The following P2RY14 variants were observed in gnomAD, a reference collection of about 807,000 sequenced individuals.
P2RY14 encodes the protein P2Y purinoceptor 14.
P2RY14 carries 2 observed loss-of-function variants against 0.9 expected under a neutral mutation model. The observed-to-expected ratio is 2.16, with a 90% confidence interval of 0.88 to 6.79. The LOEUF (loss-of-function observed/expected upper bound fraction) is 6.79, where lower values mean the gene tolerates loss of function less well. Ranked by LOEUF, P2RY14 falls within the 30% of genes most tolerant of loss-of-function variation. The pLI, the probability that P2RY14 is intolerant of heterozygous loss-of-function variation, is 0.05. For synonymous variants in P2RY14, 158 were observed against 147.2 expected (o/e 1.07, Z -0.53); for missense variants, 378 against 400.1 (o/e 0.94, Z 0.47).
intron 1 of P2RY14, among the ~76,000 whole-genome samples, chr3:151,244,564 A>C (rs1253694485): frequency 6.6e-6 from 1 of 151,360 alleles, no homozygotes; most frequent in East Asian, 1.9e-4. Context: ...GTTCTTTGAA[A>C]CCAGTGAGAA....
At chr3:151,275,644 A>G (rs926182677) in intron 1 of P2RY14, among the ~76,000 whole-genome samples, 4 of 152,340 alleles carry the variant, frequency 2.6e-5, no homozygotes, top group Non-Finnish European at 5.9e-5. Context: ...AATAGCATTC[A>G]TTAATTACTA....
At chr3:151,247,959 C>CTTT (rs1407147027) in intron 1 of P2RY14, among the ~76,000 whole-genome samples, 7 of 65,452 alleles carry the variant, frequency 1.1e-4, no homozygotes, top group African/African-American at 4.3e-4. Flanking sequence ...TCTTCTTCTT[C>CTTT]TTCTTTTTTT....
chr3:151,248,044 A>G (rs1296272372), intron 1 of P2RY14, among the ~76,000 whole-genome samples: 3 of 134,184 alleles, frequency 2.2e-5, no homozygotes, highest in Non-Finnish European at 3.1e-5. Context: ...TAAATTATCT[A>G]TTAGTCTAGA....
At chr3:151,247,553 A>G (rs1249481215) in intron 1 of P2RY14, among the ~76,000 whole-genome samples, 6 of 145,204 alleles carry the variant, frequency 4.1e-5, no homozygotes, top group Non-Finnish European at 6.0e-5. Flanking sequence ...ATAGGTGGGA[A>G]TTGAACAATG....
chr3:151,229,679 G>A (rs1159582991), intron 1 of P2RY14, among the ~76,000 whole-genome samples: 7 of 151,558 alleles, frequency 4.6e-5, no homozygotes, highest in Non-Finnish European at 5.9e-5. Flanking sequence ...GGGTTTCATC[G>A]TGGTCTCAAT....
intron 1 of P2RY14, among the ~76,000 whole-genome samples, chr3:151,260,376 G>A (rs971709306): frequency 6.6e-6 from 1 of 151,972 alleles, no homozygotes; most frequent in African/African-American, 2.4e-5. Flanking sequence ...TTGAGACAGG[G>A]TCTTGCTCTG....
intron 2 of P2RY14, among the ~76,000 whole-genome samples, chr3:151,217,536 C>T (rs184147277): frequency 2.7e-4 from 41 of 152,302 alleles, no homozygotes; most frequent in African/African-American, 8.7e-4. Flanking sequence ...AGCTTACCTG[C>T]GCCCTTTCCC....
chr3:151,261,681 C>A (rs1407112493), intron 1 of P2RY14, among the ~76,000 whole-genome samples: 1 of 110,682 alleles, frequency 9.0e-6, no homozygotes, highest in South Asian at 3.1e-4. Context: ...TCCAGTGGTA[C>A]GTGGTGTTTT....
At chr3:151,258,631 A>G (rs1738270510) in intron 1 of P2RY14, among the ~76,000 whole-genome samples, 1 of 152,064 alleles carries the variant, frequency 6.6e-6, no homozygotes, top group African/African-American at 2.4e-5. Context: ...ACAAATAAAC[A>G]TCCTTGGGCT....
intron 1 of P2RY14, among the ~76,000 whole-genome samples, chr3:151,247,973 T>A (rs1406124939): frequency 6.9e-6 from 1 of 144,432 alleles, no homozygotes; most frequent in Non-Finnish European, 1.5e-5. Context: ...TTTTTTTTTT[T>A]TTTTTTTTTT....
Position 151,213,566 on chromosome 3 carries a change from T to C in P2RY14, c.751A>G (p.Ile251Val). 6.2e-7 allele frequency: 1 copy of C among 1,614,130 alleles called. No individual in the cohort carries two copies. The highest frequency in any genetic ancestry group is 8.5e-7 in the Non-Finnish European group (1 of 1,180,020). ...CTCTTTGTGTAGGGGATTCTGGCAA[T>C]ATGGTAAGGTACAAAACAGACAAAA... ...VFFVCFVPYH[I>V]ARIPYTKSQT... Residue 251 changes from isoleucine to valine, a missense_variant, in exon 3 of 3, where the codon ATT becomes GTT. Transcript: ENST00000309170.
intron 1 of P2RY14, among the ~76,000 whole-genome samples, chr3:151,265,200 C>T (rs183433413): frequency 4.1e-4 from 62 of 152,218 alleles, no homozygotes; most frequent in East Asian, 3.3e-3. Flanking sequence ...GAGCCAAAGA[C>T]GGAATAAACA....
rs567130380 is a variant in P2RY14 at position 151,213,496 on chromosome 3, C to T, written c.821G>A (p.Arg274Gln). 44 of 1,614,074 alleles carry T rather than the reference C, an allele frequency of 2.7e-5. No homozygotes were observed. The highest frequency in any genetic ancestry group is 1.5e-4 in the Admixed American group (9 of 60,006). ...HYSCQSKEIL[R>Q]YMKEFTLLLS... ...TAGCAGAGTGAATTCTTTCATATAC[C>T]GCAAGATTTCTTTTGACTGGCAGCT... The change falls in exon 3 of 3, where the codon CGG becomes CAG. Residue 274 changes from arginine (R) to glutamine (Q), a missense_variant. Physicochemically the swap from Arg to Gln is conservative, Grantham distance 43. Coordinates refer to ENST00000309170, the MANE Select transcript of P2RY14 (RefSeq NM_014879.4).
intron 1 of P2RY14, among the ~76,000 whole-genome samples, chr3:151,232,827 T>C (rs977017137): frequency 7.9e-5 from 12 of 152,098 alleles, no homozygotes; most frequent in Non-Finnish European, 1.6e-4. Context: ...AAGATAACTA[T>C]TGGGTACTAG....
intron 1 of P2RY14, among the ~76,000 whole-genome samples, chr3:151,272,117 A>G (rs1367855648): frequency 6.6e-6 from 1 of 152,222 alleles, no homozygotes; most frequent in Non-Finnish European, 1.5e-5. Context: ...GGTGCTTGAA[A>G]GAGGGCAGAA....
chr3:151,235,110 A>T (rs548756010), intron 1 of P2RY14, among the ~76,000 whole-genome samples: 5 of 152,366 alleles, frequency 3.3e-5, no homozygotes, highest in African/African-American at 9.6e-5. Context: ...GATGTAGATT[A>T]TTAAGCTACT....
chr3:151,225,044 C>A (rs1353588316), intron 1 of P2RY14, among the ~76,000 whole-genome samples: 5 of 152,102 alleles, frequency 3.3e-5, no homozygotes, highest in Non-Finnish European at 5.9e-5. Flanking sequence ...CATCAGCCTC[C>A]TAGCTTTTCT....
intron 1 of P2RY14, among the ~76,000 whole-genome samples, chr3:151,267,107 C>G (rs1739989484): frequency 6.6e-6 from 1 of 152,168 alleles, no homozygotes; most frequent in African/African-American, 2.4e-5. Flanking sequence ...TGTTAGAACT[C>G]CTTACATTCT....
Position 151,259,470 on chromosome 3 carries a change from A to G in P2RY14, c.-133+18817T>C, listed in dbSNP as rs146345653. Among the ~76,000 whole-genome samples, 803 of 152,314 alleles carry G rather than the reference A, an allele frequency of 5.3e-3. 13 individuals are homozygous for G. Among genetic ancestry groups the G allele is most frequent in the African/African-American group, 0.018 (749 of 41,550 alleles). ...GGACACTTTTGAGAATGAAAAGAGGACTTAATTACATGGGGACAGCAGGAG... is the reference window on the plus strand; with the variant it reads ...GGACACTTTTGAGAATGAAAAGAGGGCTTAATTACATGGGGACAGCAGGAG... On this transcript the variant is annotated intron_variant, in intron 1 of 2. Coordinates refer to ENST00000309170, the MANE Select transcript of P2RY14 (RefSeq NM_014879.4).
Sources: gnomAD v4.1 joint callset for allele counts (sites outside exome capture counted in the v4.1 genomes callset) on GRCh38, gnomAD v4.1.1 for gene constraint, MANE v1.5 for transcripts, NCBI Gene and HGNC (gene_info 2026-07-23, HGNC 2026-07-21) for gene names.